The following KIAA1549L variants were observed in gnomAD, a reference collection of about 807,000 sequenced individuals.
The protein encoded by KIAA1549L is UPF0606 protein KIAA1549L.
Under a neutral mutation model 160.7 loss-of-function variants are expected in KIAA1549L, and 88 were observed. The ratio of observed to expected loss-of-function variants is 0.55; its 90% confidence interval spans 0.46 to 0.65. The LOEUF (loss-of-function observed/expected upper bound fraction) is 0.65, where lower values mean the gene tolerates loss of function less well. KIAA1549L is among the 30% of genes least tolerant of loss of function. The pLI is 0.00. For synonymous variants in KIAA1549L, 950 were observed against 976.7 expected (o/e 0.97, Z 0.51); for missense variants, 2,258 against 2,437.5 (o/e 0.93, Z 1.55).
rs568077747 is a variant in KIAA1549L, at chr11:33,409,096, G to A, written c.238+32207G>A. Among the ~76,000 whole-genome samples the A allele has an allele frequency of 5.9e-5, 9 of 152,184 alleles. No homozygotes were observed. In the South Asian group the frequency reaches 1.7e-3, roughly 28 times the overall value. The stretch of plus-strand genomic sequence containing the variant: ...GTGTGAATGATGCTAGAGGGAGGGG[G>A]GACAGGTATCATAGCATCTGTGTGC... On this transcript the variant is annotated intron_variant, in intron 1 of 20. Transcript: ENST00000658780.
intron 12 of KIAA1549L, among the ~76,000 whole-genome samples, chr11:33,595,653 A>C (rs551285157): frequency 1.3e-5 from 2 of 152,314 alleles, no homozygotes; most frequent in South Asian, 4.1e-4. Flanking sequence ...GATCATTTGA[A>C]AAGATTTTCA....
At chr11:33,479,165 ATGGAAG>A (rs2133043907) in intron 1 of KIAA1549L, among the ~76,000 whole-genome samples, 1 of 152,282 alleles carries the variant, frequency 6.6e-6, no homozygotes, top group Admixed American at 6.5e-5. Flanking sequence ...AGCTGAGATC[ATGGAAG>A]TGGAAGCTTT....
chr11:33,554,632 T>C (rs2133205317), intron 6 of KIAA1549L, among the ~76,000 whole-genome samples: 1 of 152,324 alleles, frequency 6.6e-6, no homozygotes, highest in South Asian at 2.1e-4. Flanking sequence ...TTTCCTGGTG[T>C]CATTCCAGTA....
At chr11:33,631,487 G>C (rs1191692714) in intron 16 of KIAA1549L, among the ~76,000 whole-genome samples, 1 of 152,160 alleles carries the variant, frequency 6.6e-6, no homozygotes, top group Non-Finnish European at 1.5e-5. Context: ...GCGCTGTCCT[G>C]TACGTTACAG....
chr11:33,471,752 G>T (rs901899792), intron 1 of KIAA1549L, among the ~76,000 whole-genome samples: 1 of 152,232 alleles, frequency 6.6e-6, no homozygotes, highest in Non-Finnish European at 1.5e-5. Flanking sequence ...AAATCTGTTA[G>T]CCCTATCAGG....
chr11:33,560,331 A>G (rs935858100), intron 7 of KIAA1549L, among the ~76,000 whole-genome samples: 1 of 152,180 alleles, frequency 6.6e-6, no homozygotes, highest in African/African-American at 2.4e-5. Context: ...TTTTGAACCC[A>G]AGCAGTCTGC....
In KIAA1549L at chr11:33,543,164, C is replaced by A; in HGVS notation, c.1601C>A (p.Ser534Tyr). Residue 534 changes from serine to tyrosine, a missense_variant, in exon 2 of 21, where the codon TCC (serine) becomes TAC (tyrosine). Coordinates refer to ENST00000658780, the MANE Select transcript of KIAA1549L (RefSeq NM_012194.3). ...PTLPAEGSDG[S>Y]PPATRDLLLS... ...CTTCCAGCAGAGGGCAGTGATGGGT[C>A]CCCTCCTGCAACTAGAGACTTGCTC... The A allele has an allele frequency of 6.2e-7, 1 of 1,613,894 alleles. No homozygotes were observed. The highest frequency in any genetic ancestry group is 8.5e-7 in the Non-Finnish European group (1 of 1,179,886).
At chr11:33,531,333 G>T (rs1853765431) in intron 1 of KIAA1549L, among the ~76,000 whole-genome samples, 1 of 152,176 alleles carries the variant, frequency 6.6e-6, no homozygotes, top group Non-Finnish European at 1.5e-5. Context: ...AATTTAGCCA[G>T]CCATGATGGC....
intron 1 of KIAA1549L, among the ~76,000 whole-genome samples, chr11:33,446,453 T>C (rs1424317284): frequency 1.3e-5 from 2 of 152,182 alleles, no homozygotes; most frequent in East Asian, 3.9e-4. Context: ...GTGGTTGGTG[T>C]ATTAGTTATT....
At chr11:33,535,907 A>G (rs1190125058) in intron 1 of KIAA1549L, among the ~76,000 whole-genome samples, 1 of 152,202 alleles carries the variant, frequency 6.6e-6, no homozygotes, top group Non-Finnish European at 1.5e-5. Context: ...CCTAATAAAC[A>G]TCAGCTATCT....
chr11:33,614,582 ATAT>A (rs1850756889), intron 15 of KIAA1549L, among the ~76,000 whole-genome samples: 10 of 5,708 alleles, frequency 1.8e-3, no homozygotes, highest in Admixed American at 3.8e-3. Context: ...ATATATATAT[ATAT>A]TTTTTTTTTT....
chr11:33,550,581 G>A, intron 4 of KIAA1549L, among the ~76,000 whole-genome samples: 1 of 152,092 alleles, frequency 6.6e-6, no homozygotes, highest in East Asian at 1.9e-4. Flanking sequence ...CTAGAAAGAG[G>A]AATTCACTTT....
chr11:33,610,223 C>G (rs1343160335), intron 15 of KIAA1549L, among the ~76,000 whole-genome samples: 2 of 151,796 alleles, frequency 1.3e-5, no homozygotes, highest in Non-Finnish European at 2.9e-5. Context: ...ATTTTCAAAC[C>G]AGTTGCTTTT....
chr11:33,604,016 A>G (rs1850433339), intron 13 of KIAA1549L, among the ~76,000 whole-genome samples: 1 of 152,140 alleles, frequency 6.6e-6, no homozygotes, highest in African/African-American at 2.4e-5. Context: ...AAGTTTATCC[A>G]TCCTGGTTAC....
At chr11:33,628,628 C>T (rs1245625455) in intron 16 of KIAA1549L, among the ~76,000 whole-genome samples, 21 of 144,028 alleles carry the variant, frequency 1.5e-4, no homozygotes, top group African/African-American at 4.7e-4. Context: ...TTTTGTTTTC[C>T]ATTTGCTTGG....
intron 1 of KIAA1549L, among the ~76,000 whole-genome samples, chr11:33,471,897 G>A (rs1301006426): frequency 2.0e-5 from 3 of 152,218 alleles, no homozygotes; most frequent in African/African-American, 7.2e-5. Flanking sequence ...CTTATGAACA[G>A]TCTCATGGAA....
chr11:33,622,511 G>A (rs1407523545), intron 16 of KIAA1549L, among the ~76,000 whole-genome samples: 1 of 152,204 alleles, frequency 6.6e-6, no homozygotes, highest in Non-Finnish European at 1.5e-5. Flanking sequence ...GGACTGTGGT[G>A]CTCAGCAACC....
intron 1 of KIAA1549L, among the ~76,000 whole-genome samples, chr11:33,507,691 AT>A (rs1853123810): frequency 6.6e-6 from 1 of 152,212 alleles, no homozygotes; most frequent in Non-Finnish European, 1.5e-5. Flanking sequence ...ATTTTTGAGC[AT>A]TGAGTCATAT....
At chr11:33,566,568 A>G (rs1351116881) in intron 8 of KIAA1549L, among the ~76,000 whole-genome samples, 2 of 152,206 alleles carry the variant, frequency 1.3e-5, no homozygotes, top group African/African-American at 4.8e-5. Flanking sequence ...AGCTGCTTTT[A>G]TACCCTCCAG....
Sources: gnomAD v4.1 joint callset for allele counts (sites outside exome capture counted in the v4.1 genomes callset) on GRCh38, gnomAD v4.1.1 for gene constraint, MANE v1.5 for transcripts, NCBI Gene and HGNC (gene_info 2026-07-23, HGNC 2026-07-21) for gene names.